TMEM68: variants seen among roughly 807,000 people sequenced by gnomAD.
The protein encoded by TMEM68 is DGAT1/2-independent enzyme synthesizing storage lipids.
In TMEM68, 25 loss-of-function variants were observed where a neutral mutation model predicts 36.9. That is an observed-to-expected ratio of 0.68 (90% CI 0.49 to 0.95). The LOEUF (loss-of-function observed/expected upper bound fraction) is 0.95, where lower values mean the gene tolerates loss of function less well. TMEM68 is among the 40% of genes least tolerant of loss of function. TMEM68 has a pLI of 0.00. For synonymous variants in TMEM68, 131 were observed against 124.4 expected, an observed-to-expected ratio of 1.05 and a Z score of -0.35; for missense variants, 333 against 392.0, an observed-to-expected ratio of 0.85 and a Z score of 1.27.
intron 4 of TMEM68, among the ~76,000 whole-genome samples, chr8:55,753,213 C>T (rs914731378): frequency 7.3e-5 from 11 of 151,292 alleles, no homozygotes; most frequent in African/African-American, 1.7e-4. Context: ...TTGCTAAAAA[C>T]GAAAAAAGTA....
intron 5 of TMEM68, among the ~76,000 whole-genome samples, chr8:55,750,682 G>A (rs1810404367): frequency 1.3e-5 from 2 of 151,870 alleles, no homozygotes; most frequent in African/African-American, 4.8e-5. Flanking sequence ...TGGGATTACA[G>A]GCATGCACCA....
intron 1 of TMEM68, among the ~76,000 whole-genome samples, chr8:55,771,995 T>C (rs1176766510): frequency 2.6e-5 from 4 of 152,132 alleles, no homozygotes; most frequent in Non-Finnish European, 5.9e-5. Context: ...ATGCCCAACT[T>C]CTAGCTAAAA....
chr8:55,764,629 G>C (rs1293164883), intron 1 of TMEM68, among the ~76,000 whole-genome samples: 1 of 152,210 alleles, frequency 6.6e-6, no homozygotes, highest in Non-Finnish European at 1.5e-5. Flanking sequence ...GTTCTCCCAG[G>C]AATGAAACAT....
chr8:55,752,649 A>G (rs1319910872), intron 4 of TMEM68, among the ~76,000 whole-genome samples: 2 of 152,082 alleles, frequency 1.3e-5, no homozygotes, highest in Non-Finnish European at 2.9e-5. Flanking sequence ...CACTGATTCA[A>G]CTAGATGCAT....
chr8:55,772,912 A>C (rs1315334176), intron 1 of TMEM68: 3 of 152,382 alleles, frequency 2.0e-5, no homozygotes, highest in African/African-American at 7.2e-5. Flanking sequence ...GCAAGCCTAG[A>C]GGCCTCTACA....
At chr8:55,771,479 C>T (rs1053844847) in intron 1 of TMEM68, among the ~76,000 whole-genome samples, 2 of 151,388 alleles carry the variant, frequency 1.3e-5, no homozygotes, top group African/African-American at 2.4e-5. Context: ...ATTAGGCAGG[C>T]ATGGTGGCAT....
At chr8:55,770,544 G>A (rs901823880) in intron 1 of TMEM68, among the ~76,000 whole-genome samples, 1 of 152,100 alleles carries the variant, frequency 6.6e-6, no homozygotes, top group Admixed American at 6.5e-5. Context: ...ATGGTGGCAC[G>A]TTCCTGTAAG....
At chr8:55,750,741 T>C (rs1810407128) in intron 5 of TMEM68, 2 of 404,024 alleles carry the variant, frequency 5.0e-6, no homozygotes, top group African/African-American at 2.1e-5. Flanking sequence ...GGTTTCATCA[T>C]GTTGGCCAGG....
At chr8:55,742,858 C>G (rs1348175941) in intron 7 of TMEM68, among the ~76,000 whole-genome samples, 1 of 150,346 alleles carries the variant, frequency 6.7e-6, no homozygotes, top group African/African-American at 2.5e-5. Flanking sequence ...ATGAGGCAGG[C>G]AGGCTTTTCT....
At chr8:55,746,521 G>A (rs1810283668) in intron 5 of TMEM68, 2 of 151,934 alleles carry the variant, frequency 1.3e-5, no homozygotes, top group Admixed American at 1.3e-4. Context: ...ATAAAAAATT[G>A]AATGAAACAC....
chr8:55,746,334 AAAAAAAAG>A (rs1321856127), intron 5 of TMEM68: 1 of 150,494 alleles, frequency 6.6e-6, no homozygotes, highest in African/African-American at 2.4e-5. Context: ...AAAAAAAAAA[AAAAAAAAG>A]AATTCTCCAT....
In TMEM68 at chr8:55,764,341, T is replaced by C. The variant is rs1224307890; in HGVS notation, c.-114-361A>G. ...GATAACCTGAAGGTGAAACATAACA[T>C]TCAATTATACAATTATATTAGCCCT... On this transcript the variant is annotated intron_variant, in intron 1 of 7. Transcript: ENST00000434581. Among the ~76,000 whole-genome samples, 8 of 152,240 alleles carry C rather than the reference T, an allele frequency of 5.3e-5. No individual in the cohort carries two copies. The South Asian group carries it at 8.3e-4, about 16-fold the overall frequency.
intron 5 of TMEM68, 131 bp downstream of exon 5, chr8:55,750,833 C>T (rs922660246): frequency 9.5e-6 from 8 of 846,180 alleles, no homozygotes; most frequent in African/African-American, 1.7e-5. Flanking sequence ...CTACCACACT[C>T]GGCCTACATA....
At chr8:55,742,377 C>A (rs1042705266) in intron 7 of TMEM68, among the ~76,000 whole-genome samples, 2 of 152,102 alleles carry the variant, frequency 1.3e-5, no homozygotes, top group African/African-American at 4.8e-5. Flanking sequence ...TAAGATAGTA[C>A]ATGTATGTGT....
chr8:55,753,818 G>A (rs1223359562), intron 4 of TMEM68, among the ~76,000 whole-genome samples: 5 of 152,288 alleles, frequency 3.3e-5, no homozygotes, highest in Admixed American at 1.3e-4. Flanking sequence ...TCGGCTAGAC[G>A]CAGTGCCTCA....
At chr8:55,742,153 A>T (rs1195213021) in intron 7 of TMEM68, among the ~76,000 whole-genome samples, 1 of 152,202 alleles carries the variant, frequency 6.6e-6, no homozygotes, top group African/African-American at 2.4e-5. Context: ...TGACAAAAAG[A>T]CAAATACCGT....
At chr8:55,751,323 T>C in intron 4 of TMEM68, 166 bp from the exon 5 acceptor site, 3 of 603,428 alleles carry the variant, frequency 5.0e-6, no homozygotes, top group South Asian at 2.4e-5. Flanking sequence ...AGCTTGATAT[T>C]AAGCTTCTCT....
intron 5 of TMEM68, 170 bp from the exon 6 acceptor site, chr8:55,745,291 G>A (rs1206647921): frequency 1.0e-5 from 4 of 384,550 alleles, no homozygotes; most frequent in South Asian, 6.8e-5. Context: ...AAGCAGGGTC[G>A]GGTCTCGTTA....
chr8:55,767,532 T>C (rs1207210003), intron 1 of TMEM68, among the ~76,000 whole-genome samples: 2 of 152,080 alleles, frequency 1.3e-5, no homozygotes, highest in African/African-American at 2.4e-5. Context: ...AGGAGGAGGA[T>C]ACAGGGTATA....
Sources: allele counts gnomAD v4.1 joint callset (sites outside exome capture counted in the v4.1 genomes callset), GRCh38; gene constraint gnomAD v4.1.1; transcripts MANE v1.5; gene names NCBI Gene and HGNC (gene_info 2026-07-23, HGNC 2026-07-21).